TBX3: variants seen among roughly 807,000 people sequenced by gnomAD.
TBX3 encodes the protein T-box transcription factor TBX3.
TBX3 carries 11 observed loss-of-function variants against 47.8 expected under a neutral mutation model. The observed-to-expected ratio is 0.23, with a 90% CI of 0.14 to 0.38. The LOEUF is 0.38. TBX3 is among the 10% of genes least tolerant of loss of function. The probability of loss-of-function intolerance (pLI) is 1.00; values close to 1 mark genes in which losing one functional copy is unlikely to be tolerated. For missense variants in TBX3, 927 were observed against 1,022.8 expected (o/e 0.91, Z 1.28); for synonymous variants, 500 against 449.3 (o/e 1.11, Z -1.43).
In TBX3 at chr12:114,671,850, C is replaced by T. The variant is rs1438436168; in HGVS notation, c.2163G>A (p.Ala721=). Residue 721 remains alanine, a synonymous_variant, in exon 7 of 7, where the codon GCG becomes GCA. Coordinates refer to ENST00000349155, the MANE Select transcript of TBX3 (RefSeq NM_005996.4). ...CGTGTCTGGGACGGGTCTACGGGGA[C>T]GCGCTGCGGGACCTGTCCGGCTTGG... ...LEAKPDRSRS[A]SP The T allele has an allele frequency of 6.4e-6, 10 of 1,556,214 alleles. No individual in the cohort carries two copies. Among genetic ancestry groups the T allele is most frequent in the South Asian group, 2.4e-5 (2 of 84,464 alleles).
intron 6 of TBX3, among the ~76,000 whole-genome samples, chr12:114,673,268 T>C (rs1335592368): frequency 6.6e-6 from 1 of 152,228 alleles, no homozygotes; most frequent in African/African-American, 2.4e-5. Flanking sequence ...ATCTGGTTTC[T>C]TGGCGCAGGG....
chr12:114,678,967 C>T (rs909886889), intron 3 of TBX3, among the ~76,000 whole-genome samples: 3 of 152,038 alleles, frequency 2.0e-5, no homozygotes, highest in Non-Finnish European at 4.4e-5. Context: ...TTTCCAACCA[C>T]ACGCATGCAT....
chr12:114,674,148 GGAA>G lies in TBX3; in HGVS notation c.1710+14_1710+16del. The G allele has an allele frequency of 1.3e-6, 2 of 1,577,312 alleles. No individual in the cohort carries two copies. Among genetic ancestry groups the G allele is most frequent in the Non-Finnish European group, 1.7e-6 (2 of 1,163,134 alleles). On this transcript the variant is annotated intron_variant, in intron 6 of 6. Coordinates refer to ENST00000349155, the MANE Select transcript of TBX3 (RefSeq NM_005996.4). ...AAAGGTGGAAAGACTGGTGGAGGCA[GGAA>G]GAAGGATCCATACCTGAGAGGCCAG...
At chr12:114,682,717 C>T in intron 1 of TBX3, 95 bp downstream of exon 1, 1 of 1,588,364 alleles carries the variant, frequency 6.3e-7, no homozygotes, top group Non-Finnish European at 8.6e-7. Context: ...TCGTCCAAGC[C>T]GTAATAACCG....
chr12:114,678,019 T>TTC (rs1555207915), intron 3 of TBX3, among the ~76,000 whole-genome samples: 2 of 108,568 alleles, frequency 1.8e-5, no homozygotes. Flanking sequence ...GCATACTCCC[T>TTC]TCACACACAC....
At chr12:114,680,581 G>T in intron 2 of TBX3, 2 of 507,192 alleles carry the variant, frequency 3.9e-6, no homozygotes, top group South Asian at 4.4e-5. Context: ...CCTTGAAATT[G>T]ATTTTAGCTC....
intron 1 of TBX3, 35 bp from the exon 2 acceptor site, chr12:114,681,181 A>G: frequency 6.2e-7 from 1 of 1,612,890 alleles, no homozygotes; most frequent in Non-Finnish European, 8.5e-7. Context: ...AAAAAGAAAG[A>G]TAAACCACCC....
At position 114,675,674 on chromosome 12, in the gene TBX3, G is replaced by A. The variant is rs907853900; in HGVS notation, c.1039+639C>T. 3.1e-5 allele frequency among the ~76,000 whole-genome samples: 4 copies of A among 127,150 alleles called. No homozygotes were observed. The South Asian group carries it at 1.0e-3, about 32-fold the overall frequency. 83.4% of individuals were successfully genotyped at this position (127,150 alleles called of 152,430 possible). On this transcript the variant is annotated intron_variant, in intron 5 of 6. Transcript: ENST00000349155. ...TGTGTGTGTGTGTGTGTGTGTGTGT[G>A]TCTTTCCAAATAAATACTGCTTGCT...
Position 114,680,156 on chromosome 12 carries a change from G to A in TBX3, c.658-505C>T, listed in dbSNP as rs191655761. 7.1e-4 allele frequency: 459 copies of A among 648,230 alleles called. 3 individuals are homozygous for A. The highest frequency in any genetic ancestry group is 2.5e-4 in the Non-Finnish European group (93 of 367,210). The allele number at this position is 648,230 out of a possible 1,614,324, so 40.2% of individuals were successfully genotyped here. On this transcript the variant is annotated intron_variant, in intron 2 of 6. Coordinates refer to ENST00000349155, the MANE Select transcript of TBX3 (RefSeq NM_005996.4). ...TCCTGCCCGCTGAAGATATTTCCGC[G>A]CCATTCGCGTCTTCCTGGGCCTAAT... is the stretch of plus-strand genomic sequence containing the variant.
chr12:114,683,004 T>A lies in TBX3; in HGVS notation c.197A>T (p.Asp66Val). The change falls in exon 1 of 7, where the codon GAT (aspartate) becomes GTT (valine). Residue 66 changes from aspartate (D) to valine (V), a missense_variant. Around this residue, in one of 5 missense-constraint regions of TBX3, gnomAD observed 216 missense variants for 281.2 expected, o/e 0.77. Coordinates refer to ENST00000349155, the MANE Select transcript of TBX3 (RefSeq NM_005996.4). This position sits in a 1 kb window ranked among gnomAD's most constrained non-coding sequence, Gnocchi z 7.7. ...GGTCTCGGCCGCCCCCACCAATTGA[T>A]CCATGATCGGCTTGGCCAGGGCGCC... Reference protein sequence around the residue: ...LPGALAKPIMDQLVGAAETGI... With the variant: ...LPGALAKPIMVQLVGAAETGI... The A allele has an allele frequency of 6.2e-7, 1 of 1,613,492 alleles. No homozygotes were observed. Among genetic ancestry groups the A allele is most frequent in the Non-Finnish European group, 8.5e-7 (1 of 1,179,760 alleles).
chr12:114,680,479 G>A (rs971292501), intron 2 of TBX3: 24 of 310,722 alleles, frequency 7.7e-5, no homozygotes, highest in Admixed American at 5.2e-4. Context: ...TCAAGGCTCC[G>A]AAACGTAAAC....
intron 3 of TBX3, 141 bp downstream of exon 3, chr12:114,679,364 C>T: frequency 8.4e-7 from 1 of 1,195,334 alleles, no homozygotes; most frequent in South Asian, 1.3e-5. Context: ...TTGTCCTTTC[C>T]CCCCAAATGC....
At position 114,671,862 on chromosome 12, in the gene TBX3, C is replaced by T; in HGVS notation, c.2151G>A (p.Arg717=). The T allele has an allele frequency of 6.4e-7, 1 of 1,559,370 alleles. No homozygotes were observed. Among genetic ancestry groups the T allele is most frequent in the African/African-American group, 1.4e-5 (1 of 73,628 alleles). ...LVSGLEAKPD[R]SRSASP Reference sequence around the variant, plus strand: ...GGGTCTACGGGGACGCGCTGCGGGACCTGTCCGGCTTGGCTTCCAAGCCGC... The same window carrying T: ...GGGTCTACGGGGACGCGCTGCGGGATCTGTCCGGCTTGGCTTCCAAGCCGC... Residue 717 remains arginine (R), a synonymous_variant, in exon 7 of 7, where the codon AGG becomes AGA. Coordinates refer to ENST00000349155, the MANE Select transcript of TBX3 (RefSeq NM_005996.4).
At chr12:114,679,085 T>C (rs981449821) in intron 3 of TBX3, among the ~76,000 whole-genome samples, 3 of 152,196 alleles carry the variant, frequency 2.0e-5, no homozygotes, top group East Asian at 1.9e-4. Context: ...AGCTGGTCTC[T>C]ACTAGGATTC....
In TBX3 at chr12:114,674,319, A is replaced by G. The variant is rs1243297711; in HGVS notation, c.1556T>C (p.Met519Thr). 1.3e-6 allele frequency: 2 copies of G among 1,573,326 alleles called. No homozygotes were observed. Among genetic ancestry groups the G allele is most frequent in the Non-Finnish European group, 1.7e-6 (2 of 1,159,546 alleles). ...GAFSSMAAAG[M>T]GPLLATVSGA... is the part of the protein sequence containing the mutation. ...AGAAACCGTGGCCAGGAGGGGACCC[A>G]TGCCAGCGGCCGCCATGCTGGAGAA... The change falls in exon 6 of 7, where the codon ATG becomes ACG. Residue 519 changes from methionine (M) to threonine (T), a missense_variant. Physicochemically the swap from Met to Thr is moderately conservative, Grantham distance 81. Around this residue, in one of 5 missense-constraint regions of TBX3, gnomAD observed 623 missense variants for 569.0 expected, o/e 1.09. Coordinates refer to ENST00000349155, the MANE Select transcript of TBX3 (RefSeq NM_005996.4).
rs754720756 is a variant in TBX3, at chr12:114,679,670, G to A, written c.658-19C>T. 1.2e-6 allele frequency: 2 copies of A among 1,614,098 alleles called. No individual in the cohort carries two copies. The highest frequency in any genetic ancestry group is 2.2e-5 in the South Asian group (2 of 91,064). On this transcript the variant is annotated intron_variant, in intron 2 of 6. Coordinates refer to ENST00000349155, the MANE Select transcript of TBX3 (RefSeq NM_005996.4). ...ATATAGTCTGCAGGGGCAGGGAAGA[G>A]GAGACATACATAAAACAAGGATTTA...
Position 114,674,197 on chromosome 12 carries a change from A to T in TBX3, c.1678T>A (p.Phe560Ile). The T allele has an allele frequency of 2.5e-6, 4 of 1,583,990 alleles. No individual in the cohort carries two copies. The highest frequency in any genetic ancestry group is 3.4e-6 in the Non-Finnish European group (4 of 1,166,966). The change falls in exon 6 of 7, where the codon TTC becomes ATC. Residue 560 changes from phenylalanine (F) to isoleucine (I), a missense_variant. By Grantham distance (21) the Phe-to-Ile change is conservative. Transcript: ENST00000349155. ...LSGASAATLP[F>I]HLQQHVLASQ... The stretch of plus-strand genomic sequence containing the variant: ...GCCAGGACGTGCTGCTGGAGGTGGA[A>T]GGGCAGGGTGGCCGCGGACGCCCCG...
At position 114,674,790 on chromosome 12, in the gene TBX3, T is replaced by C. The variant is rs758632611; in HGVS notation, c.1085A>G (p.Lys362Arg). ...GCAGGCCTCGGGGCCATGCTCCTCTTTGCTCTCGGCCTCGGCGTCGCTCTC... is the reference window on the plus strand; with the variant it reads ...GCAGGCCTCGGGGCCATGCTCCTCTCTGCTCTCGGCCTCGGCGTCGCTCTC... The part of the protein sequence containing the change: ...EGESDAEAES[K>R]EEHGPEACDA... The change falls in exon 6 of 7, where the codon AAA (lysine) becomes AGA (arginine). Residue 362 changes from lysine to arginine, a missense_variant. Around this residue, in one of 5 missense-constraint regions of TBX3, gnomAD observed 623 missense variants for 569.0 expected, o/e 1.09. Transcript: ENST00000349155. 1 of 1,585,430 alleles carries C rather than the reference T, an allele frequency of 6.3e-7. No individual in the cohort carries two copies. The highest frequency in any genetic ancestry group is 1.8e-5 in the Admixed American group (1 of 56,376).
At position 114,674,464 on chromosome 12, in the gene TBX3, C is replaced by T. The variant is rs1446220330; in HGVS notation, c.1411G>A (p.Ala471Thr). The T allele has an allele frequency of 6.5e-7, 1 of 1,542,098 alleles. No homozygotes were observed. Among genetic ancestry groups the T allele is most frequent in the South Asian group, 1.2e-5 (1 of 83,458 alleles). Residue 471 changes from alanine (A) to threonine (T), a missense_variant, in exon 6 of 7, where the codon GCG becomes ACG. Ala to Thr is a moderately conservative substitution (Grantham distance 58). Transcript: ENST00000349155. ...GGCAGGGGGCCCTGGGCCAGGTGCG[C>T]GGCGGCCGCGTCCGTCTGCACCGTG... The part of the protein sequence containing the change: ...PLTVQTDAAA[A>T]HLAQGPLPGL...
Sources: allele counts gnomAD v4.1 joint callset (sites outside exome capture counted in the v4.1 genomes callset), GRCh38; gene constraint gnomAD v4.1.1; regional missense constraint gnomAD v4.1.1; non-coding constraint Gnocchi (gnomAD v3.1); transcripts MANE v1.5; gene names NCBI Gene and HGNC (gene_info 2026-07-23, HGNC 2026-07-21).